The following SFMBT1 variants were observed in gnomAD, a reference collection of about 807,000 sequenced individuals.
The protein encoded by SFMBT1 is Scm like with four mbt domains 1, also known as scm-like with four MBT domains protein 1.
In SFMBT1, 32 loss-of-function variants were observed where a neutral mutation model predicts 108.7. The ratio of observed to expected loss-of-function variants is 0.29; its 90% CI spans 0.22 to 0.40. The LOEUF (loss-of-function observed/expected upper bound fraction) is 0.40, where lower values mean the gene tolerates loss of function less well. Ranked by LOEUF, SFMBT1 falls within the 10% of genes least tolerant of loss-of-function variation. The probability of loss-of-function intolerance (pLI) is 1.00; values close to 1 mark genes in which losing one functional copy is unlikely to be tolerated. For missense variants in SFMBT1, 816 were observed against 1,059.6 expected, an observed-to-expected ratio of 0.77 and a Z score of 3.19; for synonymous variants, 348 against 369.5, an observed-to-expected ratio of 0.94 and a Z score of 0.67.
At chr3:52,998,228 T>C (rs1698409305) in intron 1 of SFMBT1, among the ~76,000 whole-genome samples, 1 of 149,788 alleles carries the variant, frequency 6.7e-6, no homozygotes, top group African/African-American at 2.4e-5. Context: ...CCGTCTCTAC[T>C]AAAAATACAA....
intron 1 of SFMBT1, among the ~76,000 whole-genome samples, chr3:53,036,336 G>T (rs1699868230): frequency 6.6e-6 from 1 of 152,214 alleles, no homozygotes; most frequent in Non-Finnish European, 1.5e-5. Context: ...TTCCTAGAAA[G>T]ATTTCATTTG....
intron 8 of SFMBT1, among the ~76,000 whole-genome samples, chr3:52,929,894 T>TA (rs1553635280): frequency 6.6e-6 from 1 of 152,252 alleles, no homozygotes; most frequent in Non-Finnish European, 1.5e-5. Flanking sequence ...CTGGAATACA[T>TA]AGCTGGAGCC....
chr3:53,021,445 A>G (rs1405234647), intron 1 of SFMBT1, among the ~76,000 whole-genome samples: 2 of 152,156 alleles, frequency 1.3e-5, no homozygotes, highest in East Asian at 1.9e-4. Flanking sequence ...TTATGTTTAA[A>G]TTTTTCCATA....
chr3:52,994,659 C>T (rs185057987), intron 1 of SFMBT1, among the ~76,000 whole-genome samples: 1 of 150,230 alleles, frequency 6.7e-6, no homozygotes, highest in South Asian at 2.1e-4. Context: ...ACCATCACGC[C>T]CAGCTAATTT....
Position 52,928,216 on chromosome 3 carries a change from A to G in SFMBT1, c.1023T>C (p.Asn341=), listed in dbSNP as rs772200935. The G allele has an allele frequency of 6.2e-7, 1 of 1,613,530 alleles. No homozygotes were observed. The highest frequency in any genetic ancestry group is 1.1e-5 in the South Asian group (1 of 90,968). ...GIFPVQWSLK[N]GLHISPPPGY... is the part of the protein sequence containing the mutation. ...CTGGAGGGGGGCTGATGTGTAGGCC[A>G]TTCTTCAGACTCCACTGCACAGGGA... is the stretch of plus-strand genomic sequence containing the variant. The change falls in exon 9 of 21, where the codon AAT becomes AAC. Residue 341 remains asparagine, a synonymous_variant. Coordinates refer to ENST00000394752, the MANE Select transcript of SFMBT1 (RefSeq NM_016329.4).
chr3:52,977,808 A>G (rs1559534493), intron 1 of SFMBT1, among the ~76,000 whole-genome samples: 1 of 152,216 alleles, frequency 6.6e-6, no homozygotes, highest in Non-Finnish European at 1.5e-5. Flanking sequence ...ATTAACAGGA[A>G]AGTGAGATTC....
intron 2 of SFMBT1, among the ~76,000 whole-genome samples, chr3:52,965,227 A>G (rs11713206): frequency 0.066 from 10,086 of 151,964 alleles, 412 homozygotes; most frequent in Non-Finnish European, 0.093. Context: ...CCCTCTATGG[A>G]TAAGTTCAAC....
intron 3 of SFMBT1, among the ~76,000 whole-genome samples, chr3:52,949,523 C>T (rs988066967): frequency 6.7e-6 from 1 of 148,546 alleles, no homozygotes; most frequent in Non-Finnish European, 1.5e-5. Context: ...AGGACTGTTA[C>T]GTCTTCTTGA....
intron 2 of SFMBT1, among the ~76,000 whole-genome samples, chr3:52,966,351 C>G (rs1259619114): frequency 6.8e-6 from 1 of 147,286 alleles, no homozygotes; most frequent in Non-Finnish European, 1.5e-5. Context: ...CTAAAGCCGG[C>G]GCGGTGGCTC....
At position 52,926,094 on chromosome 3, in the gene SFMBT1, A is replaced by C. The variant is rs756031171; in HGVS notation, c.1068T>G (p.Phe356Leu). 99 of 1,604,426 alleles carry C rather than the reference A, an allele frequency of 6.2e-5. No individual in the cohort carries two copies. The highest frequency in any genetic ancestry group is 7.8e-5 in the Non-Finnish European group (92 of 1,176,278). Residue 356 changes from phenylalanine to leucine, a missense_variant, in exon 10 of 21, where the codon TTT becomes TTG. By Grantham distance (22) the Phe-to-Leu change is conservative. Coordinates refer to ENST00000394752, the MANE Select transcript of SFMBT1 (RefSeq NM_016329.4). Reference sequence around the variant, plus strand: ...ACTGTTTGAGGTAGTCAGCCCAGTCAAAGTCCTGGCTTGGGTAGCCTAGGT... The same window carrying C: ...ACTGTTTGAGGTAGTCAGCCCAGTCCAAGTCCTGGCTTGGGTAGCCTAGGT... ...SPPPGYPSQD[F>L]DWADYLKQCG...
Position 53,004,267 on chromosome 3 carries a change from T to C in SFMBT1, c.-130-35009A>G, listed in dbSNP as rs1477041001. Among the ~76,000 whole-genome samples the C allele has an allele frequency of 4.6e-5, 6 of 130,222 alleles. 1 individual carries two copies. 85.4% of individuals were successfully genotyped at this position (130,222 alleles called of 152,430 possible). On this transcript the variant is annotated intron_variant, in intron 1 of 20. Coordinates refer to ENST00000394752, the MANE Select transcript of SFMBT1 (RefSeq NM_016329.4). ...CTTCTTTCTTCTTTCTCTCTCTCTC[T>C]CTCTCTCTCCTCCTCTCTTTCTTTT...
In SFMBT1 at chr3:52,925,949, G is replaced by C. The variant is rs1397201373; in HGVS notation, c.1131+82C>G. ...GGATTAAGTGAGATGATTATCTTCA[G>C]AGCAATAACATGGAAAGCAAGGGAA... On this transcript the variant is annotated intron_variant, in intron 10 of 20. Transcript: ENST00000394752. 5.5e-6 allele frequency: 7 copies of C among 1,266,760 alleles called. No individual in the cohort carries two copies. The African/African-American group carries it at 1.1e-4, about 19-fold the overall frequency. The allele number at this position is 1,266,760 out of a possible 1,614,324, so 78.5% of individuals were successfully genotyped here.
intron 1 of SFMBT1, among the ~76,000 whole-genome samples, chr3:53,022,153 G>A (rs1445951115): frequency 6.6e-6 from 1 of 152,174 alleles, no homozygotes; most frequent in Non-Finnish European, 1.5e-5. Context: ...TTCTACTGTA[G>A]AAACAGCCTA....
intron 1 of SFMBT1, among the ~76,000 whole-genome samples, chr3:52,978,842 G>A (rs1704611454): frequency 7.2e-5 from 11 of 152,128 alleles, no homozygotes; most frequent in Admixed American, 7.2e-4. Flanking sequence ...TTGTACATGA[G>A]AAGATAGACA....
chr3:52,929,559 T>A, intron 8 of SFMBT1, among the ~76,000 whole-genome samples: 1 of 152,308 alleles, frequency 6.6e-6, no homozygotes, highest in East Asian at 1.9e-4. Flanking sequence ...CTTTATGAAC[T>A]TCCTCTGGCT....
At chr3:53,037,155 T>A (rs1699894322) in intron 1 of SFMBT1, among the ~76,000 whole-genome samples, 1 of 152,168 alleles carries the variant, frequency 6.6e-6, no homozygotes, top group South Asian at 2.1e-4. Context: ...TGAGGGCAGT[T>A]GTGTCTTACC....
intron 1 of SFMBT1, among the ~76,000 whole-genome samples, chr3:53,000,077 T>C (rs1698489473): frequency 6.7e-6 from 1 of 150,038 alleles, no homozygotes; most frequent in African/African-American, 2.4e-5. Flanking sequence ...TTAGCCAGGA[T>C]GGTCTTGATT....
intron 1 of SFMBT1, among the ~76,000 whole-genome samples, chr3:52,975,528 A>C (rs937284377): frequency 6.6e-5 from 10 of 152,194 alleles, no homozygotes; most frequent in African/African-American, 2.4e-4. Flanking sequence ...ATCTCTACGA[A>C]AAATTTAAAG....
chr3:53,018,683 A>G (rs1284133533), intron 1 of SFMBT1, among the ~76,000 whole-genome samples: 1 of 151,986 alleles, frequency 6.6e-6, no homozygotes, highest in East Asian at 1.9e-4. Context: ...GCCTCACCTA[A>G]CTCACTGGTA....
Sources: gnomAD v4.1 joint callset for allele counts (sites outside exome capture counted in the v4.1 genomes callset) on GRCh38, gnomAD v4.1.1 for gene constraint, MANE v1.5 for transcripts, NCBI Gene and HGNC (gene_info 2026-07-23, HGNC 2026-07-21) for gene names.